The following ADAM7 variants were observed in gnomAD, a reference collection of about 807,000 sequenced individuals.
ADAM7 encodes the protein disintegrin and metalloproteinase domain-containing protein 7.
Under a neutral mutation model 102.9 loss-of-function variants are expected in ADAM7, and 97 were observed. The observed-to-expected ratio is 0.94, with a 90% CI of 0.80 to 1.12. The LOEUF (loss-of-function observed/expected upper bound fraction) is 1.12. ADAM7 is among the 50% of genes most tolerant of loss of function. The pLI is 0.00. For synonymous variants in ADAM7, 334 were observed against 304.4 expected (o/e 1.10, Z -1.01); for missense variants, 991 against 908.7 (o/e 1.09, Z -1.16).
At chr8:24,470,955 G>A (rs1471756730) in intron 7 of ADAM7, among the ~76,000 whole-genome samples, 1 of 152,076 alleles carries the variant, frequency 6.6e-6, no homozygotes, top group Non-Finnish European at 1.5e-5. Flanking sequence ...GGCGGCAGCT[G>A]TATGTATGTA....
chr8:24,490,966 G>C, intron 13 of ADAM7, 78 bp downstream of exon 13: 3 of 1,433,972 alleles, frequency 2.1e-6, no homozygotes, highest in Non-Finnish European at 2.9e-6. Context: ...CTAACCACTG[G>C]ACAGCCCTGC....
At chr8:24,447,368 G>A (rs944271089) in intron 3 of ADAM7, 106 bp downstream of exon 3, 17 of 496,194 alleles carry the variant, frequency 3.4e-5, no homozygotes, top group Middle Eastern at 5.8e-4. Flanking sequence ...TTATTTGCAC[G>A]TAATCTGAAT....
chr8:24,464,131 A>G (rs1370173693), intron 4 of ADAM7, among the ~76,000 whole-genome samples, 171 bp downstream of exon 4: 1 of 152,170 alleles, frequency 6.6e-6, no homozygotes, highest in Non-Finnish European at 1.5e-5. Flanking sequence ...GATTGTGTGG[A>G]CCCTAACCTC....
chr8:24,454,906 T>C (rs1585861471), intron 3 of ADAM7, among the ~76,000 whole-genome samples: 1 of 152,210 alleles, frequency 6.6e-6, no homozygotes, highest in African/African-American at 2.4e-5. Flanking sequence ...AATCAGATTG[T>C]ACATTCATTC....
intron 8 of ADAM7, among the ~76,000 whole-genome samples, chr8:24,477,714 G>C (rs1278976748): frequency 6.6e-6 from 1 of 151,926 alleles, no homozygotes; most frequent in East Asian, 1.9e-4. Context: ...CTTCTGCCTT[G>C]TTATCTCTCT....
chr8:24,506,247 A>G, intron 20 of ADAM7: 2 of 1,046,548 alleles, frequency 1.9e-6, no homozygotes, highest in Non-Finnish European at 1.4e-6. Context: ...GTTCCTTGAA[A>G]AGGACCAATA....
intron 8 of ADAM7, among the ~76,000 whole-genome samples, chr8:24,477,009 G>C (rs529031952): frequency 1.1e-4 from 17 of 152,104 alleles, no homozygotes; most frequent in African/African-American, 1.7e-4. Context: ...CTCATTCTAA[G>C]ACACCTCAGC....
chr8:24,451,051 C>A (rs1385003239), intron 3 of ADAM7, among the ~76,000 whole-genome samples: 1 of 151,932 alleles, frequency 6.6e-6, no homozygotes, highest in South Asian at 2.1e-4. Flanking sequence ...ATTCGGTTTG[C>A]CAGCATTTTA....
chr8:24,441,876 C>T (rs563863836), intron 1 of ADAM7, among the ~76,000 whole-genome samples: 1 of 152,254 alleles, frequency 6.6e-6, no homozygotes, highest in African/African-American at 2.4e-5. Flanking sequence ...ATGAGGATAA[C>T]AAAACGACAA....
At chr8:24,443,350 T>A (rs1459774550) in intron 2 of ADAM7, among the ~76,000 whole-genome samples, 5 of 152,240 alleles carry the variant, frequency 3.3e-5, no homozygotes, top group Non-Finnish European at 5.9e-5. Context: ...AGTCATAAAT[T>A]AGATACACTT....
intron 20 of ADAM7, among the ~76,000 whole-genome samples, chr8:24,506,860 G>A (rs1820968393): frequency 6.6e-6 from 1 of 151,496 alleles, no homozygotes; most frequent in South Asian, 2.1e-4. Flanking sequence ...ACATCCTCAA[G>A]GTTACTCAGT....
chr8:24,481,258 T>A (rs1430165639), intron 8 of ADAM7, among the ~76,000 whole-genome samples: 1 of 152,190 alleles, frequency 6.6e-6, no homozygotes, highest in East Asian at 1.9e-4. Context: ...GAATTGAGTA[T>A]ATTCATATCA....
intron 7 of ADAM7, among the ~76,000 whole-genome samples, chr8:24,471,657 G>A (rs545055261): frequency 2.0e-5 from 3 of 152,120 alleles, no homozygotes; most frequent in South Asian, 2.1e-4. Flanking sequence ...GTTTGTGTAC[G>A]TATGCTTTAT....
intron 3 of ADAM7, among the ~76,000 whole-genome samples, chr8:24,462,235 T>C (rs1002298387): frequency 6.6e-6 from 1 of 152,210 alleles, no homozygotes; most frequent in Non-Finnish European, 1.5e-5. Flanking sequence ...ACTTTTAATC[T>C]ATCCTTCACA....
rs117180314 is a variant in ADAM7 at position 24,506,240 on chromosome 8, C to G, written c.2209-1240C>G. On this transcript the variant is annotated intron_variant, in intron 20 of 21. Transcript: ENST00000175238. ...CATGAAACTTAATCATTTGTTGGTT[C>G]CTTGAAAAGGACCAATAATATAACA... The G allele has an allele frequency of 1.4e-3, 1,552 of 1,143,702 alleles. 2 individuals are homozygous for G. The highest frequency in any genetic ancestry group is 1.8e-3 in the Non-Finnish European group (1,455 of 795,616). The allele number at this position is 1,143,702 out of a possible 1,614,324, so 70.8% of individuals were successfully genotyped here. A position where few individuals can be genotyped will look rare whatever the true frequency, so the allele number is the denominator to read the frequency against.
At chr8:24,468,667 CAT>C in intron 6 of ADAM7, 98 bp from the exon 7 acceptor site, 1 of 1,023,530 alleles carries the variant, frequency 9.8e-7, no homozygotes, top group Non-Finnish European at 1.5e-6. Context: ...TCAATATCAA[CAT>C]TTCTTACCTT....
chr8:24,501,477 C>T lies in ADAM7; in HGVS notation c.2109C>T (p.Ser703=), dbSNP rs767135620. 20 of 1,601,506 alleles carry T rather than the reference C, an allele frequency of 1.2e-5. No individual in the cohort carries two copies. The highest frequency in any genetic ancestry group is 1.7e-4 in the Middle Eastern group (1 of 6,034). ...AGTTGTTCAATTTCCTTCTTGACAGCCCACCTACAGAAACCCTGGGAGTGG... is the reference window on the plus strand; with the variant it reads ...AGTTGTTCAATTTCCTTCTTGACAGTCCACCTACAGAAACCCTGGGAGTGG... ...RKCIKLKQVQ[S]PPTETLGVEN... Residue 703 remains serine (S), a splice_region_variant and synonymous_variant, in exon 20 of 22, where the codon AGC becomes AGT. Transcript: ENST00000175238.
chr8:24,448,056 C>G (rs1818633566), intron 3 of ADAM7, among the ~76,000 whole-genome samples: 5 of 151,422 alleles, frequency 3.3e-5, no homozygotes, highest in Admixed American at 2.0e-4. Flanking sequence ...AATCCCATAA[C>G]CATATTGATA....
intron 7 of ADAM7, 60 bp downstream of exon 7, chr8:24,468,880 T>C: frequency 1.4e-6 from 2 of 1,464,736 alleles, no homozygotes; most frequent in South Asian, 1.2e-5. Flanking sequence ...GTAGTTATCA[T>C]TCTAGCATAG....
Sources: gnomAD v4.1 joint callset for allele counts (sites outside exome capture counted in the v4.1 genomes callset) on GRCh38, gnomAD v4.1.1 for gene constraint, MANE v1.5 for transcripts, NCBI Gene and HGNC (gene_info 2026-07-23, HGNC 2026-07-21) for gene names.